CLCN5: variants seen among roughly 807,000 people sequenced by gnomAD.
The protein encoded by CLCN5 is H(+)/Cl(-) exchange transporter 5.
CLCN5 carries 17 observed loss-of-function variants against 54.0 expected under a neutral mutation model. That is an observed-to-expected ratio of 0.31 (90% CI 0.22 to 0.47). CLCN5 has a LOEUF of 0.47. Ranked by LOEUF, CLCN5 falls within the 20% of genes least tolerant of loss-of-function variation. The pLI, the probability that CLCN5 is intolerant of heterozygous loss-of-function variation, is 1.00. For synonymous variants in CLCN5, 222 were observed against 233.0 expected, an observed-to-expected ratio of 0.95 and a Z score of 0.43; for missense variants, 448 against 646.7, an observed-to-expected ratio of 0.69 and a Z score of 3.33.
chrX:49,925,486 A>G (rs183192020), intron 3 of CLCN5, among the ~76,000 whole-genome samples, 172 bp downstream of exon 3: 16 of 112,866 alleles, frequency 1.4e-4, no homozygotes, highest in Admixed American at 2.8e-4. Flanking sequence ...GCTGCTAGCT[A>G]TAAGTTTAAA....
At chrX:50,041,336 A>G (rs1335807009) in intron 3 of CLCN5, among the ~76,000 whole-genome samples, 1 of 111,997 alleles carries the variant, frequency 8.9e-6, no homozygotes, top group African/African-American at 3.2e-5. Flanking sequence ...GTGGGCCTAC[A>G]TAAAGTTGGC....
chrX:50,021,228 T>C (rs1557184311), intron 3 of CLCN5, among the ~76,000 whole-genome samples: 1 of 99,662 alleles, frequency 1.0e-5, no homozygotes, highest in African/African-American at 4.7e-5. Context: ...TTTTATTCTC[T>C]TTGAAGCAAT....
At chrX:49,955,362 A>G (rs1429511006) in intron 3 of CLCN5, among the ~76,000 whole-genome samples, 1 of 110,017 alleles carries the variant, frequency 9.1e-6, no homozygotes, top group Non-Finnish European at 1.9e-5. Flanking sequence ...TAGACACCCA[A>G]CAAAGTATTT....
intron 4 of CLCN5, among the ~76,000 whole-genome samples, chrX:50,050,961 CGT>C (rs1346534212): frequency 1.8e-5 from 2 of 110,883 alleles, no homozygotes; most frequent in East Asian, 5.6e-4. Flanking sequence ...TGCGCCTGGC[CGT>C]GGCTTGTCTT....
chrX:49,926,638 T>G (rs1400823519), intron 3 of CLCN5, among the ~76,000 whole-genome samples: 2 of 111,820 alleles, frequency 1.8e-5, no homozygotes, highest in East Asian at 5.6e-4. Flanking sequence ...ATGTGAGATG[T>G]GTAGGGGCGC....
At chrX:49,935,806 G>A (rs1165103792) in intron 3 of CLCN5, among the ~76,000 whole-genome samples, 2 of 110,781 alleles carry the variant, frequency 1.8e-5, no homozygotes, top group Admixed American at 1.9e-4. Flanking sequence ...GGCATAAAGG[G>A]ACACATGATA....
intron 4 of CLCN5, among the ~76,000 whole-genome samples, chrX:50,052,068 A>T (rs1217017348): frequency 3.6e-5 from 4 of 111,892 alleles, no homozygotes; most frequent in African/African-American, 1.3e-4. Context: ...TGTTGAATAG[A>T]TGAATGGTAA....
intron 3 of CLCN5, among the ~76,000 whole-genome samples, chrX:50,018,945 G>C (rs1267694246): frequency 9.0e-6 from 1 of 111,521 alleles, no homozygotes; most frequent in African/African-American, 3.3e-5. Flanking sequence ...TTCAGTTTTG[G>C]TATTAGGGTA....
At chrX:50,085,868 C>A in intron 9 of CLCN5, 112 bp from the exon 10 acceptor site, 1 of 651,748 alleles carries the variant, frequency 1.5e-6, no homozygotes, top group Admixed American at 2.3e-5. Context: ...TATGGAACAT[C>A]TAGAGGTATT....
intron 3 of CLCN5, among the ~76,000 whole-genome samples, chrX:49,932,554 T>TC (rs1895330264): frequency 9.0e-6 from 1 of 111,700 alleles, no homozygotes; most frequent in Non-Finnish European, 1.9e-5. Flanking sequence ...CCACTCTGTG[T>TC]CCCCTTCTAC....
chrX:49,945,612 T>G (rs1264579988), intron 3 of CLCN5, among the ~76,000 whole-genome samples: 6 of 101,528 alleles, frequency 5.9e-5, no homozygotes, highest in African/African-American at 2.2e-4. Context: ...TAGTTTTTTT[T>G]TTTTTTTTTT....
At chrX:49,975,557 T>A (rs1292339671) in intron 3 of CLCN5, among the ~76,000 whole-genome samples, 2 of 111,286 alleles carry the variant, frequency 1.8e-5, no homozygotes, top group East Asian at 5.6e-4. Flanking sequence ...GCCCTCTTCC[T>A]GGAGTTCTGA....
intron 3 of CLCN5, among the ~76,000 whole-genome samples, chrX:50,000,172 G>C (rs1292612637): frequency 1.8e-5 from 2 of 109,911 alleles, no homozygotes; most frequent in Admixed American, 1.9e-4. Flanking sequence ...CTCTAATCCT[G>C]CTTTTCTCTT....
rs782206487 is a variant in CLCN5, at chrX:50,090,383, A to G, written c.2012A>G (p.Asp671Gly). The G allele has an allele frequency of 2.6e-5, 32 of 1,211,724 alleles. No individual in the cohort carries two copies. In the South Asian group the frequency reaches 5.3e-4, roughly 20 times the overall value. The change falls in exon 13 of 15, where the codon GAC (aspartate) becomes GGC (glycine). Residue 671 changes from aspartate (D) to glycine (G), a missense_variant. Transcript: ENST00000376091. ...CCTTTGTTGACTGTCCTTACTCAGG[A>G]CAGTATGACTGTGGAAGATGTAGAG... is the stretch of plus-strand genomic sequence containing the variant. The part of the protein sequence containing the change: ...NDPLLTVLTQ[D>G]SMTVEDVETI...
chrX:50,013,179 C>T, intron 3 of CLCN5: 1 of 279,588 alleles, frequency 3.6e-6, no homozygotes, highest in Non-Finnish European at 7.1e-6. Context: ...CTCTCTCTTT[C>T]TCTCTTTCTG....
chrX:50,053,447 A>G (rs782526455), intron 4 of CLCN5, among the ~76,000 whole-genome samples: 5 of 110,923 alleles, frequency 4.5e-5, no homozygotes, highest in South Asian at 3.8e-4. Context: ...ATAGTAGTCT[A>G]TCAATTTTGT....
rs193185928 is a variant in CLCN5 at position 49,939,796 on chromosome X, G to A, written c.16+14482G>A. On this transcript the variant is annotated intron_variant, in intron 3 of 14. Transcript: ENST00000376091. ...TAAAACTTAAAAAAAAAGTTGCCCG[G>A]TAGTCTAACTTTGTCATTTATTCCT... Among the ~76,000 whole-genome samples the A allele has an allele frequency of 1.8e-3, 203 of 111,333 alleles. 1 individual carries two copies. The highest frequency in any genetic ancestry group is 1.5e-3 in the Non-Finnish European group (80 of 52,939).
At chrX:50,030,718 G>A (rs1931655830) in intron 3 of CLCN5, among the ~76,000 whole-genome samples, 1 of 112,061 alleles carries the variant, frequency 8.9e-6, no homozygotes, top group African/African-American at 3.2e-5. Flanking sequence ...CAGAATGACT[G>A]TAAATTTAAA....
chrX:50,085,667 G>A (rs1343965163), intron 9 of CLCN5: 9 of 321,301 alleles, frequency 2.8e-5, no homozygotes, highest in South Asian at 8.1e-5. Flanking sequence ...GAACAAATAG[G>A]CCTAGAAATT....
Sources: allele counts gnomAD v4.1 joint callset (sites outside exome capture counted in the v4.1 genomes callset), GRCh38; gene constraint gnomAD v4.1.1; transcripts MANE v1.5; gene names NCBI Gene and HGNC (gene_info 2026-07-23, HGNC 2026-07-21).